CNTNAP2: variants seen among roughly 807,000 people sequenced by gnomAD.
CNTNAP2 encodes the protein contactin associated protein 2.
CNTNAP2 carries 98 observed loss-of-function variants against 155.2 expected under a neutral mutation model. The ratio of observed to expected loss-of-function variants is 0.63; its 90% CI spans 0.54 to 0.75. The LOEUF (loss-of-function observed/expected upper bound fraction) is 0.75. Among genes scored for constraint, CNTNAP2 ranks in the 30% least tolerant of loss-of-function variants. CNTNAP2 has a pLI of 0.00. For missense variants in CNTNAP2, 1,727 were observed against 1,688.1 expected (o/e 1.02, Z -0.40); for synonymous variants, 651 against 631.2 (o/e 1.03, Z -0.47).
At chr7:146,125,439 T>G (rs1450942882) in intron 1 of CNTNAP2, among the ~76,000 whole-genome samples, 2 of 151,160 alleles carry the variant, frequency 1.3e-5, no homozygotes, top group African/African-American at 4.8e-5. Context: ...AGCCGGGCGT[T>G]GTGGCGGGCG....
intron 16 of CNTNAP2, among the ~76,000 whole-genome samples, chr7:148,118,930 C>A (rs1804537106): frequency 6.6e-6 from 1 of 152,160 alleles, no homozygotes; most frequent in Admixed American, 6.5e-5. Flanking sequence ...CCTAAGGGGG[C>A]GTTCAGGCTT....
chr7:146,672,267 C>T (rs745579467), intron 1 of CNTNAP2, among the ~76,000 whole-genome samples: 29 of 152,340 alleles, frequency 1.9e-4, no homozygotes, highest in Non-Finnish European at 3.5e-4. Context: ...CTCACTGCTT[C>T]CCTTTTTCTC....
chr7:146,246,486 A>G (rs1799658130), intron 1 of CNTNAP2, among the ~76,000 whole-genome samples: 2 of 150,134 alleles, frequency 1.3e-5, no homozygotes, highest in Non-Finnish European at 2.9e-5. Context: ...ACAGTTATGG[A>G]GGCAAGGGAA....
intron 8 of CNTNAP2, among the ~76,000 whole-genome samples, chr7:147,255,648 T>C (rs62484986): frequency 0.034 from 5,254 of 152,322 alleles, 127 homozygotes; most frequent in Non-Finnish European, 0.052. Flanking sequence ...AAAATGGAGA[T>C]AAAAGTAATA....
intron 1 of CNTNAP2, among the ~76,000 whole-genome samples, chr7:146,394,208 G>A (rs1349569374): frequency 2.6e-5 from 4 of 152,052 alleles, no homozygotes; most frequent in Non-Finnish European, 5.9e-5. Flanking sequence ...TGGATTACCT[G>A]ACTAATCCAA....
At chr7:147,461,916 T>C (rs541580349) in intron 10 of CNTNAP2, among the ~76,000 whole-genome samples, 4 of 152,232 alleles carry the variant, frequency 2.6e-5, no homozygotes, top group Admixed American at 6.5e-5. Context: ...AACAATACAA[T>C]ATCTTTCCAA....
intron 10 of CNTNAP2, among the ~76,000 whole-genome samples, chr7:147,482,545 C>T (rs1248830321): frequency 1.3e-5 from 2 of 151,548 alleles, no homozygotes; most frequent in Non-Finnish European, 2.9e-5. Context: ...AGTGAAACCC[C>T]GTCCCTACAA....
chr7:146,483,298 T>C (rs1282683390), intron 1 of CNTNAP2, among the ~76,000 whole-genome samples: 1 of 63,912 alleles, frequency 1.6e-5, no homozygotes, highest in East Asian at 3.6e-4. Context: ...TATATATATA[T>C]ATATATATAT....
intron 4 of CNTNAP2, among the ~76,000 whole-genome samples, chr7:147,077,509 C>A (rs548532122): frequency 6.6e-6 from 1 of 152,134 alleles, no homozygotes; most frequent in Non-Finnish European, 1.5e-5. Context: ...CTTCCTGAAA[C>A]CTTATCTAAT....
At chr7:147,343,612 T>A (rs1160700960) in intron 9 of CNTNAP2, among the ~76,000 whole-genome samples, 2 of 152,206 alleles carry the variant, frequency 1.3e-5, no homozygotes, top group African/African-American at 4.8e-5. Context: ...TTAGTTTTAA[T>A]ATTGTGAATA....
At chr7:146,364,954 AT>A (rs144227491) in intron 1 of CNTNAP2, among the ~76,000 whole-genome samples, 5,032 of 152,200 alleles carry the variant, frequency 0.033, 299 homozygotes, top group African/African-American at 0.11. Flanking sequence ...TTAATCTTCA[AT>A]TTTTTTCTTA....
At chr7:146,592,226 G>C (rs927270266) in intron 1 of CNTNAP2, among the ~76,000 whole-genome samples, 1 of 152,164 alleles carries the variant, frequency 6.6e-6, no homozygotes, top group Admixed American at 6.5e-5. Flanking sequence ...TCTGAGATGA[G>C]GATCTCTGTG....
chr7:148,221,386 G>A (rs993287246), intron 19 of CNTNAP2, among the ~76,000 whole-genome samples: 1 of 152,056 alleles, frequency 6.6e-6, no homozygotes, highest in Non-Finnish European at 1.5e-5. Flanking sequence ...GGGTTTCTCA[G>A]CCTGGGTGTC....
chr7:147,333,651 A>G (rs1306303033), intron 9 of CNTNAP2, among the ~76,000 whole-genome samples: 3 of 152,182 alleles, frequency 2.0e-5, no homozygotes, highest in African/African-American at 7.2e-5. Flanking sequence ...GGAAGTTTTC[A>G]TATTTTTAAT....
chr7:146,230,795 C>A (rs368083888), intron 1 of CNTNAP2, among the ~76,000 whole-genome samples: 1 of 152,054 alleles, frequency 6.6e-6, no homozygotes, highest in Non-Finnish European at 1.5e-5. Context: ...GCAGGTGGAC[C>A]GCTTGAGTCA....
In CNTNAP2 at chr7:146,654,562, A is replaced by G. The variant is rs534236851; in HGVS notation, c.98-119709A>G. Among the ~76,000 whole-genome samples the G allele has an allele frequency of 7.2e-5, 11 of 152,334 alleles. No individual in the cohort carries two copies. In the East Asian group the frequency reaches 2.1e-3, roughly 29 times the overall value. On this transcript the variant is annotated intron_variant, in intron 1 of 23. Coordinates refer to ENST00000361727, the MANE Select transcript of CNTNAP2 (RefSeq NM_014141.6). ...ATAATATTATTTGTATCTGTAATATACAGAAATAGTCAAAAAATACTTGGG... is the reference window on the plus strand; with the variant it reads ...ATAATATTATTTGTATCTGTAATATGCAGAAATAGTCAAAAAATACTTGGG...
At chr7:147,456,669 A>G (rs1797922844) in intron 10 of CNTNAP2, among the ~76,000 whole-genome samples, 1 of 152,182 alleles carries the variant, frequency 6.6e-6, no homozygotes, top group South Asian at 2.1e-4. Flanking sequence ...CTTTAGAAAA[A>G]TTAATCACAG....
chr7:148,052,837 G>A (rs971821886), intron 15 of CNTNAP2, among the ~76,000 whole-genome samples: 2 of 152,150 alleles, frequency 1.3e-5, no homozygotes, highest in African/African-American at 2.4e-5. Flanking sequence ...ACTTGAGGTC[G>A]GGAGTTTGAG....
intron 9 of CNTNAP2, among the ~76,000 whole-genome samples, chr7:147,350,225 T>G (rs1795945658): frequency 6.6e-6 from 1 of 151,928 alleles, no homozygotes; most frequent in Non-Finnish European, 1.5e-5. Context: ...AATGCAATTT[T>G]GTACAGAATT....
Sources: allele counts gnomAD v4.1 joint callset (sites outside exome capture counted in the v4.1 genomes callset), GRCh38; gene constraint gnomAD v4.1.1; transcripts MANE v1.5; gene names NCBI Gene and HGNC (gene_info 2026-07-23, HGNC 2026-07-21).